The following PDE8B variants were observed in gnomAD, a reference collection of about 807,000 sequenced individuals.
The protein encoded by PDE8B is high affinity cAMP-specific and IBMX-insensitive 3',5'-cyclic phosphodiesterase 8B.
In PDE8B, 26 loss-of-function variants were observed where a neutral mutation model predicts 101.3. That is an observed-to-expected ratio of 0.26 (90% CI 0.19 to 0.36). The LOEUF is 0.36. PDE8B is among the 10% of genes least tolerant of loss of function. The pLI, the probability that PDE8B is intolerant of heterozygous loss-of-function variation, is 1.00. For missense variants in PDE8B, 810 were observed against 1,163.1 expected (o/e 0.70, Z 4.42); for synonymous variants, 424 against 429.3 (o/e 0.99, Z 0.15).
intron 1 of PDE8B, among the ~76,000 whole-genome samples, chr5:77,248,204 C>T (rs549455677): frequency 5.9e-5 from 9 of 152,298 alleles, no homozygotes; most frequent in South Asian, 2.1e-4. Context: ...ACTGCAAGCT[C>T]GATGAGGGCA....
chr5:77,161,410 ACATTTGATTATC>A, the PDE8B span, among the ~76,000 whole-genome samples: 1 of 152,126 alleles, frequency 6.6e-6, no homozygotes. Context: ...TTTTGATTAT[ACATTTGATTATC>A]CATTTGATTT....
At chr5:77,300,922 A>G (rs1471120265) in intron 1 of PDE8B, among the ~76,000 whole-genome samples, 2 of 152,228 alleles carry the variant, frequency 1.3e-5, no homozygotes, top group Admixed American at 1.3e-4. Context: ...GGGCATTTGC[A>G]TTTTGTGGCT....
intron 11 of PDE8B, among the ~76,000 whole-genome samples, chr5:77,402,460 T>C (rs1449424113): frequency 1.3e-5 from 2 of 152,208 alleles, no homozygotes; most frequent in African/African-American, 4.8e-5. Flanking sequence ...AATTCAGTTT[T>C]AATTTTTGAT....
the PDE8B span, chr5:77,105,607 A>G: frequency 6.6e-6 from 1 of 152,204 alleles, no homozygotes; most frequent in African/African-American, 2.4e-5. Flanking sequence ...GCTGCTATGA[A>G]CATCTGTATA....
chr5:77,118,034 A>C, the PDE8B span, among the ~76,000 whole-genome samples: 652 of 152,212 alleles, frequency 4.3e-3, 8 homozygotes, highest in African/African-American at 0.015. Flanking sequence ...TCCCAGGTTC[A>C]AGCAATTCTT....
intron 1 of PDE8B, among the ~76,000 whole-genome samples, chr5:77,239,576 A>G (rs933239530): frequency 1.3e-5 from 2 of 152,190 alleles, no homozygotes; most frequent in Admixed American, 6.5e-5. Flanking sequence ...AACAACACCA[A>G]TCTTTTCTCT....
the PDE8B span, chr5:77,134,611 C>G: frequency 1.3e-5 from 2 of 152,188 alleles, no homozygotes; most frequent in African/African-American, 4.8e-5. Context: ...CACAATGGGA[C>G]AGGGAGGAAG....
In PDE8B at chr5:77,247,200, C is replaced by T. The variant is rs1757126124; in HGVS notation, c.339+35936C>T. On this transcript the variant is annotated intron_variant, in intron 1 of 21. Transcript: ENST00000264917. ...GAAATATGAGACCTTCTGGTTGGCT[C>T]CTGAGATCCTTCTGTCTCCAGCACA... Among the ~76,000 whole-genome samples the T allele has an allele frequency of 2.0e-5, 3 of 152,160 alleles. No homozygotes were observed. In the South Asian group the frequency reaches 6.2e-4, roughly 32 times the overall value.
chr5:77,092,006 G>A, the PDE8B span, among the ~76,000 whole-genome samples: 7 of 152,124 alleles, frequency 4.6e-5, no homozygotes, highest in Non-Finnish European at 8.8e-5. Flanking sequence ...TAAGAAGAAA[G>A]TGAAAAATTA....
intron 1 of PDE8B, among the ~76,000 whole-genome samples, chr5:77,299,731 A>G (rs1769483753): frequency 6.6e-6 from 1 of 152,126 alleles, no homozygotes; most frequent in African/African-American, 2.4e-5. Flanking sequence ...CACAATAAAC[A>G]TACGTGTGCA....
intron 10 of PDE8B, among the ~76,000 whole-genome samples, chr5:77,360,961 T>C (rs1302452948): frequency 6.6e-6 from 1 of 152,248 alleles, no homozygotes; most frequent in Admixed American, 6.5e-5. Context: ...AATTTTCTGG[T>C]ATTTTGTGAT....
At chr5:77,184,875 A>G in the PDE8B span, among the ~76,000 whole-genome samples, 1 of 152,190 alleles carries the variant, frequency 6.6e-6, no homozygotes, top group East Asian at 1.9e-4. Flanking sequence ...TAAAATATAA[A>G]GATTTATTTG....
At chr5:77,425,066 T>A (rs966798052) in intron 20 of PDE8B, among the ~76,000 whole-genome samples, 1 of 152,326 alleles carries the variant, frequency 6.6e-6, no homozygotes, top group South Asian at 2.1e-4. Flanking sequence ...TTGGTGCTAG[T>A]TCATTGAGTC....
chr5:77,356,462 C>T (rs1782125067), intron 10 of PDE8B, among the ~76,000 whole-genome samples: 1 of 152,222 alleles, frequency 6.6e-6, no homozygotes. Flanking sequence ...CAGAGTCTCA[C>T]TCTGTTGCCC....
chr5:77,228,079 G>C (rs1282300921), intron 1 of PDE8B, among the ~76,000 whole-genome samples: 1 of 152,166 alleles, frequency 6.6e-6, no homozygotes, highest in African/African-American at 2.4e-5. Flanking sequence ...TTATCTGAAA[G>C]CTTGACTGGA....
intron 5 of PDE8B, among the ~76,000 whole-genome samples, chr5:77,332,867 T>A (rs1777410918): frequency 6.6e-6 from 1 of 150,440 alleles, no homozygotes; most frequent in Non-Finnish European, 1.5e-5. Context: ...GTAATCTGAA[T>A]CCCAAGTAGG....
chr5:77,119,218 G>A, the PDE8B span: 2 of 152,076 alleles, frequency 1.3e-5, no homozygotes, highest in African/African-American at 4.8e-5. Context: ...CTCATCAATT[G>A]TTGGTAGGGG....
At chr5:77,354,648 G>T (rs1781756519) in intron 10 of PDE8B, among the ~76,000 whole-genome samples, 1 of 152,182 alleles carries the variant, frequency 6.6e-6, no homozygotes, top group African/African-American at 2.4e-5. Context: ...ATCCACAGTA[G>T]AGGACACAGG....
chr5:77,286,961 T>G (rs1766137771), intron 1 of PDE8B, among the ~76,000 whole-genome samples: 1 of 152,200 alleles, frequency 6.6e-6, no homozygotes, highest in Admixed American at 6.5e-5. Flanking sequence ...TAAATTCCAG[T>G]TATTTCCCTC....
Sources: allele counts gnomAD v4.1 joint callset (sites outside exome capture counted in the v4.1 genomes callset), GRCh38; gene constraint gnomAD v4.1.1; transcripts MANE v1.5; gene names NCBI Gene and HGNC (gene_info 2026-07-23, HGNC 2026-07-21).